RPTOR: variants seen among roughly 807,000 people sequenced by gnomAD.
RPTOR encodes regulatory associated protein of MTOR complex 1.
Under a neutral mutation model 169.9 loss-of-function variants are expected in RPTOR, and 21 were observed. That is an observed-to-expected ratio of 0.12 (90% confidence interval 0.09 to 0.18). The LOEUF is 0.18. Among genes scored for constraint, RPTOR ranks in the 10% least tolerant of loss-of-function variants. The pLI is 1.00. For missense variants in RPTOR, 1,133 were observed against 1,855.9 expected (o/e 0.61, Z 7.16); for synonymous variants, 732 against 753.2 (o/e 0.97, Z 0.46).
rs140372315 is a variant in RPTOR at position 80,692,037 on chromosome 17, C to T, written c.349-15804C>T. ...TGACGCGGTTACTGAGAGCCGCTGC[C>T]GAGGCATAGCCGCTGCTGAGGCACT... On this transcript the variant is annotated intron_variant, in intron 3 of 33. Coordinates refer to ENST00000306801, the MANE Select transcript of RPTOR (RefSeq NM_020761.3). 2.5e-4 allele frequency among the ~76,000 whole-genome samples: 38 copies of T among 152,308 alleles called. No homozygotes were observed. In the East Asian group the frequency reaches 6.6e-3, roughly 26 times the overall value.
chr17:80,603,211 A>G (rs1488504719), intron 1 of RPTOR, among the ~76,000 whole-genome samples: 2 of 152,240 alleles, frequency 1.3e-5, no homozygotes, highest in African/African-American at 4.8e-5. Context: ...TAAAATTGGA[A>G]ATAATTTTAA....
At chr17:80,876,456 C>T (rs113549262) in intron 13 of RPTOR, among the ~76,000 whole-genome samples, 141 of 2,310 alleles carry the variant, frequency 0.061, 57 homozygotes, top group Middle Eastern at 0.33. Flanking sequence ...CCACCGAGCC[C>T]GTGCCACGCA....
At chr17:80,643,891 A>G (rs1351533792) in intron 3 of RPTOR, 81 bp downstream of exon 3, 2 of 1,133,468 alleles carry the variant, frequency 1.8e-6, no homozygotes, top group East Asian at 4.9e-5. Flanking sequence ...CTTTGGATCC[A>G]AGTGAGAATT....
intron 20 of RPTOR, among the ~76,000 whole-genome samples, chr17:80,904,571 G>C: frequency 6.6e-6 from 1 of 152,116 alleles, no homozygotes; most frequent in East Asian, 1.9e-4. Context: ...TTTTAGTCTA[G>C]ACATGAAAAT....
intron 7 of RPTOR, among the ~76,000 whole-genome samples, chr17:80,795,374 G>A (rs1161676132): frequency 5.3e-5 from 8 of 152,106 alleles, no homozygotes; most frequent in Admixed American, 2.6e-4. Flanking sequence ...CCTAAATCAC[G>A]ATGTTAGCGT....
intron 3 of RPTOR, among the ~76,000 whole-genome samples, chr17:80,675,244 C>G (rs1003692220): frequency 6.6e-6 from 1 of 152,120 alleles, no homozygotes; most frequent in Non-Finnish European, 1.5e-5. Flanking sequence ...GTGCCTGTTT[C>G]CTAATGTCCT....
At chr17:80,875,013 G>A (rs1410081954) in intron 13 of RPTOR, among the ~76,000 whole-genome samples, 1 of 152,186 alleles carries the variant, frequency 6.6e-6, no homozygotes, top group African/African-American at 2.4e-5. Flanking sequence ...TAGGGTGTTC[G>A]CGTGAAATGG....
At chr17:80,691,816 A>G (rs945602791) in intron 3 of RPTOR, among the ~76,000 whole-genome samples, 13 of 152,144 alleles carry the variant, frequency 8.5e-5, no homozygotes, top group African/African-American at 2.9e-4. Flanking sequence ...TGGGTGTTTC[A>G]AAGATAAAAT....
chr17:80,566,402 TGA>T (rs1441946290), intron 1 of RPTOR, among the ~76,000 whole-genome samples: 1 of 152,202 alleles, frequency 6.6e-6, no homozygotes, highest in African/African-American at 2.4e-5. Context: ...TTTTATGGTA[TGA>T]ACCTATTTGT....
chr17:80,657,462 G>A (rs2065688574), intron 3 of RPTOR, among the ~76,000 whole-genome samples: 1 of 152,202 alleles, frequency 6.6e-6, no homozygotes, highest in Non-Finnish European at 1.5e-5. Context: ...GTAACCAGCT[G>A]ACTTTCCTTC....
intron 3 of RPTOR, among the ~76,000 whole-genome samples, chr17:80,696,427 G>A (rs1363656236): frequency 1.3e-5 from 2 of 152,228 alleles, no homozygotes; most frequent in South Asian, 4.1e-4. Context: ...ATGATACTGG[G>A]ATAGTGGAGC....
At chr17:80,722,435 T>G (rs1598256493) in intron 4 of RPTOR, among the ~76,000 whole-genome samples, 1 of 150,784 alleles carries the variant, frequency 6.6e-6, no homozygotes, top group East Asian at 1.9e-4. Context: ...GATAAGTTTT[T>G]AAGGGGAGGG....
At chr17:80,693,932 C>T (rs1250189138) in intron 3 of RPTOR, among the ~76,000 whole-genome samples, 1 of 152,248 alleles carries the variant, frequency 6.6e-6, no homozygotes, top group African/African-American at 2.4e-5. Flanking sequence ...CAGCCAGCAG[C>T]TCACATCCTC....
At chr17:80,814,313 T>C (rs1277938933) in intron 7 of RPTOR, among the ~76,000 whole-genome samples, 1 of 152,192 alleles carries the variant, frequency 6.6e-6, no homozygotes, top group Non-Finnish European at 1.5e-5. Flanking sequence ...ATTAAAATCA[T>C]CCATTTTCTC....
At chr17:80,810,541 G>A (rs1479357410) in intron 7 of RPTOR, among the ~76,000 whole-genome samples, 7 of 151,768 alleles carry the variant, frequency 4.6e-5, no homozygotes, top group East Asian at 1.9e-4. Flanking sequence ...CCTTGATCAC[G>A]GTAGCTTTAT....
chr17:80,853,019 TCTC>T (rs1252914402), intron 11 of RPTOR, among the ~76,000 whole-genome samples: 2 of 151,952 alleles, frequency 1.3e-5, no homozygotes, highest in African/African-American at 4.8e-5. Flanking sequence ...AGTGCTGCAG[TCTC>T]CTCCTCCCCA....
intron 5 of RPTOR, among the ~76,000 whole-genome samples, chr17:80,748,598 A>G (rs370018225): frequency 4.7e-3 from 195 of 41,206 alleles, no homozygotes; most frequent in Admixed American, 7.0e-3. Context: ...TGGCGGGAGG[A>G]CCTGTTGGAT....
In RPTOR at chr17:80,753,976, C is replaced by G. The variant is rs200854067; in HGVS notation, c.655-34C>G. ...ATTTGGTTGTGACCAGCAGCTAAAT[C>G]ACACTCTCTTTTCCCGAATGTTCTG... On this transcript the variant is annotated intron_variant, in intron 5 of 33. Transcript: ENST00000306801. 3 of 1,585,726 alleles carry G rather than the reference C, an allele frequency of 1.9e-6. No homozygotes were observed. In the South Asian group the frequency reaches 3.4e-5, roughly 18 times the overall value.
At chr17:80,619,067 C>G (rs892479964) in intron 1 of RPTOR, among the ~76,000 whole-genome samples, 3 of 152,134 alleles carry the variant, frequency 2.0e-5, no homozygotes, top group Non-Finnish European at 2.9e-5. Flanking sequence ...GTAGCTTCGG[C>G]TTTGCTCCGA....
Sources: gnomAD v4.1 joint callset for allele counts (sites outside exome capture counted in the v4.1 genomes callset) on GRCh38, gnomAD v4.1.1 for gene constraint, MANE v1.5 for transcripts, NCBI Gene and HGNC (gene_info 2026-07-23, HGNC 2026-07-21) for gene names.